Variants in TMEM196 observed in about 807,000 individuals in gnomAD.
TMEM196 encodes the protein transmembrane protein 196.
In TMEM196, 17 loss-of-function variants were observed where a neutral mutation model predicts 20.0. That is an observed-to-expected ratio of 0.85 (90% CI 0.58 to 1.27). The LOEUF (loss-of-function observed/expected upper bound fraction) is 1.27, where lower values mean the gene tolerates loss of function less well. Ranked by LOEUF, TMEM196 falls within the 50% of genes most tolerant of loss-of-function variation. The pLI is 0.00. For synonymous variants in TMEM196, 113 were observed against 88.9 expected (o/e 1.27, Z -1.52); for missense variants, 267 against 223.0 (o/e 1.20, Z -1.26).
chr7:19,750,214 T>C (rs990388745), intron 1 of TMEM196, among the ~76,000 whole-genome samples: 3 of 152,056 alleles, frequency 2.0e-5, no homozygotes, highest in African/African-American at 7.2e-5. Flanking sequence ...TCTAAAAGAG[T>C]AGATTTTAAA....
At chr7:19,727,238 A>G (rs1784029486) in intron 2 of TMEM196, among the ~76,000 whole-genome samples, 2 of 152,306 alleles carry the variant, frequency 1.3e-5, no homozygotes, top group Non-Finnish European at 1.5e-5. Context: ...GAAAGAGAAG[A>G]TCCAGAATTT....
chr7:19,727,973 C>T (rs1321999800), intron 2 of TMEM196, among the ~76,000 whole-genome samples: 1 of 151,808 alleles, frequency 6.6e-6, no homozygotes, highest in African/African-American at 2.4e-5. Context: ...TAAATGCCAT[C>T]AATGGGGACC....
rs916974118 is a variant in TMEM196 at position 19,762,548 on chromosome 7, G to T, written c.147+10002C>A. On this transcript the variant is annotated intron_variant, in intron 1 of 4. Coordinates refer to ENST00000405844, the MANE Select transcript of TMEM196 (RefSeq NM_001363562.2). ...TTAAAGTAGTTTTATATTAATGTAGGTTATTCCAATTTACATCATTTTGCT... is the reference window on the plus strand; with the variant it reads ...TTAAAGTAGTTTTATATTAATGTAGTTTATTCCAATTTACATCATTTTGCT... Among the ~76,000 whole-genome samples, 39 of 152,118 alleles carry T rather than the reference G, an allele frequency of 2.6e-4. 1 individual carries two copies. Among genetic ancestry groups the T allele is most frequent in the African/African-American group, 8.2e-4 (34 of 41,510 alleles).
intron 1 of TMEM196, among the ~76,000 whole-genome samples, chr7:19,730,877 T>C (rs745776003): frequency 9.9e-5 from 15 of 152,172 alleles, no homozygotes; most frequent in Non-Finnish European, 2.2e-4. Flanking sequence ...ATAATTTAGA[T>C]GACCTTTCAT....
chr7:19,737,560 G>A (rs1784453149), intron 1 of TMEM196, among the ~76,000 whole-genome samples: 1 of 151,886 alleles, frequency 6.6e-6, no homozygotes, highest in Admixed American at 6.6e-5. Context: ...TTCATACAAT[G>A]CAGTGCCATT....
chr7:19,753,899 G>A (rs562181085), intron 1 of TMEM196, among the ~76,000 whole-genome samples: 17 of 152,114 alleles, frequency 1.1e-4, no homozygotes, highest in Non-Finnish European at 2.2e-4. Flanking sequence ...CTCTTTTCAA[G>A]CTCTCTCTAC....
At chr7:19,731,765 C>G (rs575525922) in intron 1 of TMEM196, among the ~76,000 whole-genome samples, 3 of 152,200 alleles carry the variant, frequency 2.0e-5, no homozygotes, top group African/African-American at 7.2e-5. Flanking sequence ...TATCTCACTT[C>G]AATTGGATGG....
chr7:19,737,370 A>G lies in TMEM196; in HGVS notation c.148-7932T>C, dbSNP rs187449176. ...ATTTTCATTTGCTACATATAGGAAT[A>G]GAAAATGGTGTAGCCACTATGTAAA... On this transcript the variant is annotated intron_variant, in intron 1 of 4. Coordinates refer to ENST00000405844, the MANE Select transcript of TMEM196 (RefSeq NM_001363562.2). 1.4e-3 allele frequency among the ~76,000 whole-genome samples: 208 copies of G among 152,190 alleles called. 2 individuals carry two copies. Among genetic ancestry groups the G allele is most frequent in the African/African-American group, 4.9e-3 (204 of 41,568 alleles).
chr7:19,722,357 CACA>C (rs1783843080), intron 4 of TMEM196, among the ~76,000 whole-genome samples: 1 of 152,094 alleles, frequency 6.6e-6, no homozygotes, highest in Non-Finnish European at 1.5e-5. Context: ...ATATTCTCTC[CACA>C]ACAACGGTCC....
chr7:19,755,832 C>G (rs914071364), intron 1 of TMEM196, among the ~76,000 whole-genome samples: 1 of 152,102 alleles, frequency 6.6e-6, no homozygotes, highest in African/African-American at 2.4e-5. Flanking sequence ...AGTTTGAGAC[C>G]AGCCTGGCCC....
intron 1 of TMEM196, among the ~76,000 whole-genome samples, chr7:19,756,910 T>C (rs1217150499): frequency 6.6e-6 from 1 of 152,138 alleles, no homozygotes. Flanking sequence ...CACATCTTAA[T>C]TCACACTAGC....
intron 4 of TMEM196, 110 bp from the exon 5 acceptor site, chr7:19,722,244 T>TC: frequency 2.2e-6 from 2 of 905,858 alleles, no homozygotes; most frequent in Non-Finnish European, 3.4e-6. Context: ...ACTTGCTAAG[T>TC]TTTGGGGAAA....
intron 1 of TMEM196, among the ~76,000 whole-genome samples, chr7:19,736,353 CTATATATATATATATA>C (rs71017071): frequency 0.029 from 1,106 of 37,930 alleles, 39 homozygotes; most frequent in Middle Eastern, 0.21. Context: ...GTGGTTCCTA[CTATATATATATATATA>C]TATATATATA....
chr7:19,756,772 C>T (rs1785236064), intron 1 of TMEM196, among the ~76,000 whole-genome samples: 1 of 152,112 alleles, frequency 6.6e-6, no homozygotes, highest in South Asian at 2.1e-4. Context: ...TGCAAAAGAC[C>T]TGATCTTATT....
chr7:19,760,002 C>T (rs1233875109), intron 1 of TMEM196, among the ~76,000 whole-genome samples: 1 of 152,076 alleles, frequency 6.6e-6, no homozygotes, highest in Admixed American at 6.6e-5. Context: ...AAAAGTTTTC[C>T]ATAGATCCTT....
intron 1 of TMEM196, among the ~76,000 whole-genome samples, chr7:19,755,706 T>G (rs530770984): frequency 1.3e-5 from 2 of 152,280 alleles, no homozygotes; most frequent in African/African-American, 4.8e-5. Context: ...TCTTAAAGAC[T>G]TTCCTCATCT....
At chr7:19,754,762 A>G (rs1785135252) in intron 1 of TMEM196, among the ~76,000 whole-genome samples, 1 of 152,192 alleles carries the variant, frequency 6.6e-6, no homozygotes, top group Non-Finnish European at 1.5e-5. Flanking sequence ...AAGTCAATTA[A>G]TTCTCTGGGC....
intron 2 of TMEM196, 55 bp downstream of exon 2, chr7:19,729,327 A>C: frequency 6.8e-7 from 1 of 1,463,710 alleles, no homozygotes; most frequent in East Asian, 2.6e-5. Flanking sequence ...TTTCTATTTT[A>C]GAATTTTACG....
chr7:19,760,660 C>G (rs905265943), intron 1 of TMEM196, among the ~76,000 whole-genome samples: 1 of 151,984 alleles, frequency 6.6e-6, no homozygotes, highest in East Asian at 1.9e-4. Context: ...TGCGCCCAGC[C>G]TATTTTCCTG....
Sources: allele counts gnomAD v4.1 joint callset (sites outside exome capture counted in the v4.1 genomes callset), GRCh38; gene constraint gnomAD v4.1.1; transcripts MANE v1.5; gene names NCBI Gene and HGNC (gene_info 2026-07-23, HGNC 2026-07-21).